Variants in PAIP2B observed in about 807,000 individuals in gnomAD.
The protein encoded by PAIP2B is polyadenylate-binding protein-interacting protein 2B.
PAIP2B carries 13 observed loss-of-function variants against 17.0 expected under a neutral mutation model. The observed-to-expected ratio is 0.76, with a 90% CI of 0.50 to 1.22. The LOEUF is 1.22. PAIP2B is among the 50% of genes most tolerant of loss of function. The pLI is 0.00. For synonymous variants in PAIP2B, 43 were observed against 48.7 expected, an observed-to-expected ratio of 0.88 and a Z score of 0.48; for missense variants, 117 against 144.5, an observed-to-expected ratio of 0.81 and a Z score of 0.98.
chr2:71,214,332 C>T (rs959286452), intron 1 of PAIP2B, among the ~76,000 whole-genome samples: 8 of 152,086 alleles, frequency 5.3e-5, no homozygotes, highest in African/African-American at 9.7e-5. Context: ...AAATGGGGTT[C>T]GGAGAACCAT....
At chr2:71,214,928 A>T (rs919785795) in intron 1 of PAIP2B, among the ~76,000 whole-genome samples, 6 of 152,214 alleles carry the variant, frequency 3.9e-5, no homozygotes, top group African/African-American at 1.4e-4. Context: ...AGGAGATTTT[A>T]AAAAATATTG....
intron 2 of PAIP2B, among the ~76,000 whole-genome samples, chr2:71,197,879 T>C (rs1674862600): frequency 6.6e-6 from 1 of 152,178 alleles, no homozygotes. Context: ...CATAATTCAG[T>C]CATCTCCCAC....
intron 2 of PAIP2B, among the ~76,000 whole-genome samples, chr2:71,199,325 T>A (rs1288840524): frequency 6.6e-6 from 1 of 151,482 alleles, no homozygotes; most frequent in Non-Finnish European, 1.5e-5. Context: ...TCACACATAA[T>A]GAATATTGTT....
chr2:71,226,236 C>T (rs899078663), intron 1 of PAIP2B, among the ~76,000 whole-genome samples: 1 of 152,180 alleles, frequency 6.6e-6, no homozygotes, highest in East Asian at 1.9e-4. Context: ...TCTGCGTATT[C>T]TGCCTCTCTC....
intron 1 of PAIP2B, among the ~76,000 whole-genome samples, chr2:71,204,430 G>C (rs1045040760): frequency 2.6e-5 from 4 of 151,524 alleles, no homozygotes; most frequent in Non-Finnish European, 5.9e-5. Flanking sequence ...TGTTTGTTTT[G>C]TTTTGCAATT....
At chr2:71,192,801 G>A (rs1394096789) in intron 2 of PAIP2B, among the ~76,000 whole-genome samples, 4 of 152,160 alleles carry the variant, frequency 2.6e-5, no homozygotes, top group African/African-American at 9.7e-5. Context: ...ATATTCCATG[G>A]TGTATATGTA....
intron 1 of PAIP2B, among the ~76,000 whole-genome samples, chr2:71,222,341 C>T (rs571680253): frequency 2.6e-5 from 4 of 152,252 alleles, no homozygotes; most frequent in South Asian, 2.1e-4. Context: ...CAGCTGAGGA[C>T]GGCATATAGG....
intron 2 of PAIP2B, among the ~76,000 whole-genome samples, chr2:71,191,240 G>A (rs1371379392): frequency 6.6e-6 from 1 of 152,164 alleles, no homozygotes. Flanking sequence ...TAATTCAGAG[G>A]AAAAGTTACT....
chr2:71,225,275 A>G lies in PAIP2B; in HGVS notation c.-12+1653T>C, dbSNP rs58034786. On this transcript the variant is annotated intron_variant, in intron 1 of 3. Transcript: ENST00000244221. ...GAGTAAAGATTTCTTTTAATTCACT[A>G]TAATAGACTTTTTTCTTTATATACA... Among the ~76,000 whole-genome samples the G allele has an allele frequency of 0.052, 7,985 of 152,282 alleles. 973 individuals carry two copies. In the East Asian group the frequency reaches 0.56, roughly 11 times the overall value.
intron 1 of PAIP2B, among the ~76,000 whole-genome samples, chr2:71,225,256 A>G (rs1325178105): frequency 6.6e-6 from 1 of 152,244 alleles, no homozygotes. Flanking sequence ...CTCAGAGTAA[A>G]GATTTCTTTT....
intron 1 of PAIP2B, among the ~76,000 whole-genome samples, chr2:71,205,842 T>C (rs1021347989): frequency 6.6e-6 from 1 of 152,126 alleles, no homozygotes; most frequent in African/African-American, 2.4e-5. Context: ...TAAATCGGGT[T>C]AAGAGGCTGA....
At chr2:71,210,540 T>C (rs1393047781) in intron 1 of PAIP2B, among the ~76,000 whole-genome samples, 1 of 152,194 alleles carries the variant, frequency 6.6e-6, no homozygotes, top group Admixed American at 6.5e-5. Flanking sequence ...GTCAGTGAGC[T>C]TAAGCAAACA....
chr2:71,208,254 T>C (rs913102549), intron 1 of PAIP2B, among the ~76,000 whole-genome samples: 1 of 152,048 alleles, frequency 6.6e-6, no homozygotes, highest in Non-Finnish European at 1.5e-5. Flanking sequence ...TGAAACCCCA[T>C]CCCTACTAAA....
chr2:71,192,482 C>T (rs1209486435), intron 2 of PAIP2B, among the ~76,000 whole-genome samples: 2 of 151,730 alleles, frequency 1.3e-5, no homozygotes, highest in Non-Finnish European at 2.9e-5. Context: ...TTGAAGTACA[C>T]GTGAAGGTTA....
At chr2:71,226,470 C>A (rs1234627867) in intron 1 of PAIP2B, among the ~76,000 whole-genome samples, 1 of 152,082 alleles carries the variant, frequency 6.6e-6, no homozygotes, top group African/African-American at 2.4e-5. Context: ...GCGCAGGGGC[C>A]GCGAATAGGG....
chr2:71,199,828 C>T (rs542675567), intron 2 of PAIP2B, among the ~76,000 whole-genome samples: 2 of 152,278 alleles, frequency 1.3e-5, no homozygotes, highest in African/African-American at 4.8e-5. Context: ...GGGTTCAAGT[C>T]CAGCCTGGGC....
chr2:71,196,781 C>G (rs1674832591), intron 2 of PAIP2B, among the ~76,000 whole-genome samples: 1 of 152,056 alleles, frequency 6.6e-6, no homozygotes. Flanking sequence ...CTTCCCTTGT[C>G]TTTTTTTATC....
In PAIP2B at chr2:71,186,442, A is replaced by G. The variant is rs2103739184; in HGVS notation, c.*2037T>C. The G allele has an allele frequency of 6.6e-6, 1 of 152,384 alleles. No homozygotes were observed. The highest frequency in any genetic ancestry group is 1.5e-5 in the Non-Finnish European group (1 of 68,044). 9.4% of individuals were successfully genotyped at this position (152,384 alleles called of 1,614,324 possible). A position where few individuals can be genotyped will look rare whatever the true frequency, so the allele number is the denominator to read the frequency against. On this transcript the variant is annotated 3_prime_UTR_variant, in exon 4 of 4. Coordinates refer to ENST00000244221, the MANE Select transcript of PAIP2B (RefSeq NM_020459.1). ...CATGCTAAACTGGCAGGAAGTTTTC[A>G]TAGTCCTGAAGACTGACATCCAAAA... is the stretch of plus-strand genomic sequence containing the variant.
At chr2:71,221,701 G>A (rs561489252) in intron 1 of PAIP2B, among the ~76,000 whole-genome samples, 9 of 152,230 alleles carry the variant, frequency 5.9e-5, no homozygotes, top group Admixed American at 1.3e-4. Context: ...ACTCTCAATC[G>A]TCTTCTAAAG....
Sources: allele counts gnomAD v4.1 joint callset (sites outside exome capture counted in the v4.1 genomes callset), GRCh38; gene constraint gnomAD v4.1.1; transcripts MANE v1.5; gene names NCBI Gene and HGNC (gene_info 2026-07-23, HGNC 2026-07-21).